Variants in VPS13B observed in about 807,000 individuals in gnomAD.
VPS13B encodes the protein vacuolar protein sorting 13 homolog B, also known as intermembrane lipid transfer protein VPS13B.
In VPS13B, 285 loss-of-function variants were observed where a neutral mutation model predicts 426.4. That is an observed-to-expected ratio of 0.67 (90% CI 0.61 to 0.74). VPS13B has a LOEUF of 0.74. Among genes scored for constraint, VPS13B ranks in the 30% least tolerant of loss-of-function variants. The pLI is 0.00. For synonymous variants in VPS13B, 1,676 were observed against 1,676.4 expected, an observed-to-expected ratio of 1.00 and a Z score of 0.01; for missense variants, 4,537 against 4,782.6, an observed-to-expected ratio of 0.95 and a Z score of 1.51.
At chr8:99,328,208 T>C (rs1313494702) in intron 19 of VPS13B, among the ~76,000 whole-genome samples, 1 of 152,180 alleles carries the variant, frequency 6.6e-6, no homozygotes, top group African/African-American at 2.4e-5. Context: ...TAATGTCTGA[T>C]GATCTGAGGT....
intron 4 of VPS13B, among the ~76,000 whole-genome samples, chr8:99,100,702 C>A (rs938775170): frequency 6.6e-6 from 1 of 152,034 alleles, no homozygotes; most frequent in African/African-American, 2.4e-5. Context: ...ATTTTTGATA[C>A]TGTTTTAAAG....
At chr8:99,425,132 A>T (rs993693037) in intron 21 of VPS13B, among the ~76,000 whole-genome samples, 3 of 152,186 alleles carry the variant, frequency 2.0e-5, no homozygotes, top group African/African-American at 7.2e-5. Context: ...ATTCTACGAG[A>T]GGTACAAGGA....
intron 20 of VPS13B, among the ~76,000 whole-genome samples, chr8:99,386,203 G>A (rs767810946): frequency 4.2e-4 from 64 of 152,146 alleles, no homozygotes; most frequent in Non-Finnish European, 4.6e-4. Context: ...GTCAAGTAGA[G>A]TGTTCTAGCA....
rs1416101802 is a variant in VPS13B at position 99,337,613 on chromosome 8, T to C, written c.2825-46595T>C. Among the ~76,000 whole-genome samples the C allele has an allele frequency of 2.0e-5, 3 of 152,292 alleles. No homozygotes were observed. The East Asian group carries it at 5.8e-4, about 29-fold the overall frequency. On this transcript the variant is annotated intron_variant, in intron 19 of 61. Coordinates refer to ENST00000357162, the MANE Select transcript of VPS13B (RefSeq NM_152564.5). ...AATTGAATTGTAAGAGTTCCTTATA[T>C]ATTCTGAATACAGGTCAGCTATATG...
chr8:99,618,561 C>T (rs772976787), intron 33 of VPS13B, among the ~76,000 whole-genome samples: 11 of 152,144 alleles, frequency 7.2e-5, no homozygotes, highest in Non-Finnish European at 1.0e-4. Flanking sequence ...ACTATATGAT[C>T]TTTGATGGAA....
intron 3 of VPS13B, among the ~76,000 whole-genome samples, chr8:99,092,981 T>C (rs1284628160): frequency 2.0e-5 from 3 of 152,122 alleles, no homozygotes; most frequent in Non-Finnish European, 2.9e-5. Flanking sequence ...CTATGTATTA[T>C]ATACATTTTG....
At chr8:99,802,673 T>G (rs1040527613) in intron 43 of VPS13B, among the ~76,000 whole-genome samples, 4 of 152,226 alleles carry the variant, frequency 2.6e-5, no homozygotes, top group Non-Finnish European at 5.9e-5. Flanking sequence ...TTTATTTGTT[T>G]TACAAAAATG....
At chr8:99,337,131 A>G (rs1431889674) in intron 19 of VPS13B, among the ~76,000 whole-genome samples, 1 of 152,112 alleles carries the variant, frequency 6.6e-6, no homozygotes, top group Non-Finnish European at 1.5e-5. Context: ...CAACAACGAT[A>G]GACTGGATTA....
Position 99,395,407 on chromosome 8 carries a change from C to T in VPS13B, c.3082+3703C>T, listed in dbSNP as rs552594143. ...GATCTTAATGATTCCCATCCTTACA[C>T]AGGGTGGAAGGCATTGAAGTTCCTA... On this transcript the variant is annotated intron_variant, in intron 21 of 61. Transcript: ENST00000357162. 3.9e-5 allele frequency among the ~76,000 whole-genome samples: 6 copies of T among 152,290 alleles called. No homozygotes were observed. In the South Asian group the frequency reaches 8.3e-4, roughly 21 times the overall value.
chr8:99,501,217 G>C (rs1821217741), intron 25 of VPS13B, among the ~76,000 whole-genome samples: 1 of 152,132 alleles, frequency 6.6e-6, no homozygotes, highest in East Asian at 1.9e-4. Flanking sequence ...ATATTTTTCT[G>C]TAAAGGGCTG....
At chr8:99,441,525 A>AG (rs1817675976) in intron 22 of VPS13B, among the ~76,000 whole-genome samples, 1 of 152,088 alleles carries the variant, frequency 6.6e-6, no homozygotes, top group African/African-American at 2.4e-5. Flanking sequence ...CAATAACTTA[A>AG]GTATCGTAGG....
intron 35 of VPS13B, among the ~76,000 whole-genome samples, chr8:99,672,300 G>A (rs145681661): frequency 3.9e-5 from 6 of 152,140 alleles, no homozygotes; most frequent in East Asian, 3.9e-4. Context: ...ATTGATCACC[G>A]TTTTATAGTT....
chr8:99,161,946 T>G (rs1811681851), intron 15 of VPS13B, among the ~76,000 whole-genome samples: 2 of 152,142 alleles, frequency 1.3e-5, no homozygotes, highest in Admixed American at 6.5e-5. Context: ...TTGACCAGGC[T>G]GGTCTCGAAC....
intron 17 of VPS13B, among the ~76,000 whole-genome samples, chr8:99,238,599 A>G (rs1816758463): frequency 6.6e-6 from 1 of 152,174 alleles, no homozygotes; most frequent in Non-Finnish European, 1.5e-5. Flanking sequence ...TTAGTCTATA[A>G]TAAAATTTAT....
At chr8:99,627,253 A>G (rs563533614) in intron 33 of VPS13B, among the ~76,000 whole-genome samples, 1 of 152,140 alleles carries the variant, frequency 6.6e-6, no homozygotes, top group Non-Finnish European at 1.5e-5. Flanking sequence ...AAAATAACTA[A>G]GAGACTAAAT....
At chr8:99,246,156 T>G (rs1817204405) in intron 17 of VPS13B, among the ~76,000 whole-genome samples, 1 of 152,254 alleles carries the variant, frequency 6.6e-6, no homozygotes, top group South Asian at 2.1e-4. Flanking sequence ...GTTTTAACTG[T>G]AGGGCTTAAC....
intron 30 of VPS13B, among the ~76,000 whole-genome samples, chr8:99,552,775 T>C (rs1430688505): frequency 3.3e-5 from 5 of 152,152 alleles, no homozygotes; most frequent in Admixed American, 6.6e-5. Context: ...AATGGAAACG[T>C]CTTGTATAAC....
chr8:99,364,434 T>C (rs959535084), intron 19 of VPS13B, among the ~76,000 whole-genome samples: 7 of 152,122 alleles, frequency 4.6e-5, no homozygotes, highest in African/African-American at 1.7e-4. Context: ...AGTTTTCTTT[T>C]TTTTGTTTTT....
intron 59 of VPS13B, among the ~76,000 whole-genome samples, chr8:99,870,472 T>A (rs955171001): frequency 3.3e-5 from 5 of 152,210 alleles, no homozygotes; most frequent in African/African-American, 1.2e-4. Context: ...TAGACTTTTT[T>A]AACACATCAA....
Sources: gnomAD v4.1 joint callset for allele counts (sites outside exome capture counted in the v4.1 genomes callset) on GRCh38, gnomAD v4.1.1 for gene constraint, MANE v1.5 for transcripts, NCBI Gene and HGNC (gene_info 2026-07-23, HGNC 2026-07-21) for gene names.